Variants in CNTN4 observed in about 807,000 individuals in gnomAD.
CNTN4 encodes contactin-4.
CNTN4 carries 77 observed loss-of-function variants against 122.5 expected under a neutral mutation model. The ratio of observed to expected loss-of-function variants is 0.63; its 90% confidence interval spans 0.52 to 0.76. CNTN4 has a LOEUF of 0.76. Among genes scored for constraint, CNTN4 ranks in the 30% least tolerant of loss-of-function variants. The pLI, the probability that CNTN4 is intolerant of heterozygous loss-of-function variation, is 0.00. For missense variants in CNTN4, 1,256 were observed against 1,259.1 expected, an observed-to-expected ratio of 1.00 and a Z score of 0.04; for synonymous variants, 512 against 447.0, an observed-to-expected ratio of 1.15 and a Z score of -1.83.
chr3:2,874,802 C>T (rs2093824948), intron 8 of CNTN4, among the ~76,000 whole-genome samples: 1 of 152,060 alleles, frequency 6.6e-6, no homozygotes. Context: ...ATAAATAATT[C>T]CAGGCAGCAG....
intron 2 of CNTN4, among the ~76,000 whole-genome samples, chr3:2,193,901 G>A (rs1160800468): frequency 1.3e-5 from 2 of 152,168 alleles, no homozygotes; most frequent in Non-Finnish European, 2.9e-5. Flanking sequence ...TCTAGCCTAG[G>A]TGTGTAGTAG....
chr3:2,839,845 C>T (rs2093315235), intron 7 of CNTN4, among the ~76,000 whole-genome samples: 1 of 152,138 alleles, frequency 6.6e-6, no homozygotes, highest in Admixed American at 6.5e-5. Context: ...CAGTACTAGG[C>T]CTTGGTCTTC....
At chr3:2,612,102 T>C (rs60135738) in intron 4 of CNTN4, among the ~76,000 whole-genome samples, 34,293 of 100,962 alleles carry the variant, frequency 0.34, 4,383 homozygotes, top group Admixed American at 0.46. Context: ...TATATATACA[T>C]ATAATACACA....
intron 3 of CNTN4, among the ~76,000 whole-genome samples, chr3:2,406,860 A>G (rs2047057199): frequency 6.6e-6 from 1 of 152,196 alleles, no homozygotes; most frequent in South Asian, 2.1e-4. Flanking sequence ...AACTTTATTA[A>G]GCCTCAGTTT....
chr3:2,267,356 A>G (rs968774414), intron 2 of CNTN4, among the ~76,000 whole-genome samples: 1 of 152,180 alleles, frequency 6.6e-6, no homozygotes, highest in African/African-American at 2.4e-5. Context: ...AAAGAAATTC[A>G]TACTGCAGAA....
intron 3 of CNTN4, among the ~76,000 whole-genome samples, chr3:2,430,812 G>T (rs1460508677): frequency 6.6e-6 from 1 of 151,976 alleles, no homozygotes; most frequent in Admixed American, 6.6e-5. Flanking sequence ...TTGAGATTTT[G>T]TTTCATCACC....
In CNTN4 at chr3:3,043,572, A is replaced by T; in HGVS notation, c.2699-20A>T. ...GAGACTTAATAATCTGTGACTTCGT[A>T]TATCTTAATTTTTTTATAGCACCAA... is the stretch of plus-strand genomic sequence containing the variant. On this transcript the variant is annotated intron_variant, in intron 22 of 24. Transcript: ENST00000418658. 1 of 1,542,844 alleles carries T rather than the reference A, an allele frequency of 6.5e-7. No individual in the cohort carries two copies. The highest frequency in any genetic ancestry group is 9.0e-7 in the Non-Finnish European group (1 of 1,115,228).
At chr3:2,127,494 C>G (rs541654471) in intron 2 of CNTN4, among the ~76,000 whole-genome samples, 1 of 151,868 alleles carries the variant, frequency 6.6e-6, no homozygotes, top group Non-Finnish European at 1.5e-5. Flanking sequence ...AGAACAAGAC[C>G]GTGATTGAAA....
chr3:2,315,701 A>T (rs2043074451), intron 2 of CNTN4, among the ~76,000 whole-genome samples: 1 of 152,048 alleles, frequency 6.6e-6, no homozygotes, highest in Non-Finnish European at 1.5e-5. Context: ...CTAGAATCAG[A>T]AGGCTTTGAA....
At chr3:2,807,241 G>T (rs980678929) in intron 6 of CNTN4, among the ~76,000 whole-genome samples, 3 of 152,138 alleles carry the variant, frequency 2.0e-5, no homozygotes, top group Non-Finnish European at 2.9e-5. Context: ...TTTAACACAC[G>T]GCAGCCTTAT....
At chr3:2,404,890 T>C (rs760239256) in intron 3 of CNTN4, among the ~76,000 whole-genome samples, 2 of 152,172 alleles carry the variant, frequency 1.3e-5, no homozygotes, top group Non-Finnish European at 2.9e-5. Context: ...GTTATTCTTA[T>C]GGCATCTGAA....
intron 2 of CNTN4, among the ~76,000 whole-genome samples, chr3:2,291,614 G>A (rs2042137438): frequency 6.7e-6 from 1 of 148,804 alleles, no homozygotes; most frequent in South Asian, 2.1e-4. Flanking sequence ...ATTATTAAAG[G>A]ATTAATTCAC....
chr3:3,040,403 T>C (rs758903109), intron 20 of CNTN4, 132 bp downstream of exon 20: 2 of 749,998 alleles, frequency 2.7e-6, no homozygotes, highest in East Asian at 2.7e-5. Flanking sequence ...AAGAGGATAA[T>C]GTAAACAATT....
intron 15 of CNTN4, among the ~76,000 whole-genome samples, chr3:3,029,575 T>G (rs57923505): frequency 4.2e-4 from 64 of 152,348 alleles, no homozygotes; most frequent in African/African-American, 1.4e-3. Context: ...TGTGACACTC[T>G]GTACTGAAAC....
chr3:2,778,673 A>AT lies in CNTN4; in HGVS notation c.358+32977dup, dbSNP rs1414096277. Among the ~76,000 whole-genome samples, 17 of 152,312 alleles carry AT rather than the reference A, an allele frequency of 1.1e-4. No homozygotes were observed. The South Asian group carries it at 3.3e-3, about 30-fold the overall frequency. On this transcript the variant is annotated intron_variant, in intron 6 of 24. Coordinates refer to ENST00000418658, the MANE Select transcript of CNTN4 (RefSeq NM_175607.3). ...GTTATTAAAGGAATCTGTTCTTATC[A>AT]TACTGATTCCATCCAACTTATTATA... is the stretch of plus-strand genomic sequence containing the variant.
intron 3 of CNTN4, among the ~76,000 whole-genome samples, chr3:2,451,810 A>G (rs1323862762): frequency 3.3e-5 from 5 of 152,140 alleles, no homozygotes; most frequent in Admixed American, 1.3e-4. Flanking sequence ...CTTTAAATTA[A>G]TAGAAAAATC....
intron 3 of CNTN4, among the ~76,000 whole-genome samples, chr3:2,477,686 A>C (rs537508869): frequency 1.3e-4 from 20 of 152,334 alleles, no homozygotes; most frequent in African/African-American, 4.6e-4. Context: ...AAAGAAGTAC[A>C]TAGTCTATGC....
chr3:2,425,474 C>T (rs1337077729), intron 3 of CNTN4, among the ~76,000 whole-genome samples: 2 of 152,112 alleles, frequency 1.3e-5, no homozygotes, highest in African/African-American at 2.4e-5. Context: ...GTTACTGTAG[C>T]CTTGTAGTAT....
chr3:2,700,879 G>A (rs1204212358), intron 4 of CNTN4, among the ~76,000 whole-genome samples: 4 of 152,122 alleles, frequency 2.6e-5, no homozygotes, highest in South Asian at 4.1e-4. Flanking sequence ...GCACCTGAAC[G>A]AACATGTTTT....
Sources: gnomAD v4.1 joint callset for allele counts (sites outside exome capture counted in the v4.1 genomes callset) on GRCh38, gnomAD v4.1.1 for gene constraint, MANE v1.5 for transcripts, NCBI Gene and HGNC (gene_info 2026-07-23, HGNC 2026-07-21) for gene names.